Variants in KSR2 observed in about 807,000 individuals in gnomAD.
The protein encoded by KSR2 is kinase suppressor of ras 2.
In KSR2, 25 loss-of-function variants were observed where a neutral mutation model predicts 107.8. The observed-to-expected ratio is 0.23, with a 90% CI of 0.17 to 0.32. KSR2 has a LOEUF of 0.32. Among genes scored for constraint, KSR2 ranks in the 10% least tolerant of loss-of-function variants. The pLI is 1.00. For synonymous variants in KSR2, 480 were observed against 507.0 expected, an observed-to-expected ratio of 0.95 and a Z score of 0.71; for missense variants, 887 against 1,268.9, an observed-to-expected ratio of 0.70 and a Z score of 4.57.
At chr12:117,918,680 C>T (rs1056422414) in intron 1 of KSR2, among the ~76,000 whole-genome samples, 9 of 150,968 alleles carry the variant, frequency 6.0e-5, no homozygotes, top group Admixed American at 4.6e-4. Flanking sequence ...CCCAGCTACT[C>T]GGGAGGCTGA....
chr12:117,766,897 G>T (rs930768083), intron 3 of KSR2, among the ~76,000 whole-genome samples: 1 of 146,338 alleles, frequency 6.8e-6, no homozygotes, highest in Non-Finnish European at 1.5e-5. Context: ...CGGGGGCGGG[G>T]TGGTGAGACA....
At chr12:117,672,149 C>A (rs544743153) in intron 4 of KSR2, among the ~76,000 whole-genome samples, 4 of 151,978 alleles carry the variant, frequency 2.6e-5, no homozygotes, top group African/African-American at 9.7e-5. Flanking sequence ...GAAAGCAAGG[C>A]GGTGGGGGGA....
intron 17 of KSR2, 85 bp downstream of exon 17, chr12:117,476,379 G>T: frequency 6.9e-7 from 1 of 1,456,978 alleles, no homozygotes. Context: ...GGTACACCCT[G>T]GCCCTTCCAA....
At chr12:117,494,056 T>C (rs962427201) in intron 14 of KSR2, among the ~76,000 whole-genome samples, 1 of 152,146 alleles carries the variant, frequency 6.6e-6, no homozygotes, top group South Asian at 2.1e-4. Flanking sequence ...GGGCAGGGAC[T>C]GGGTTTATCT....
chr12:117,917,655 G>A (rs1278519798), intron 1 of KSR2, among the ~76,000 whole-genome samples: 2 of 152,170 alleles, frequency 1.3e-5, no homozygotes, highest in East Asian at 1.9e-4. Context: ...ATGTTGCCCA[G>A]GCTGGTCTTA....
chr12:117,936,348 A>G (rs1159555963), intron 1 of KSR2, among the ~76,000 whole-genome samples: 4 of 151,828 alleles, frequency 2.6e-5, no homozygotes, highest in Admixed American at 2.6e-4. Context: ...TATTTTTAAG[A>G]CACGGTCTCA....
intron 5 of KSR2, among the ~76,000 whole-genome samples, chr12:117,625,940 T>C (rs1882486340): frequency 1.3e-5 from 2 of 152,218 alleles, no homozygotes; most frequent in African/African-American, 4.8e-5. Flanking sequence ...GGAGGGTATA[T>C]GTGTCCAGGA....
intron 14 of KSR2, among the ~76,000 whole-genome samples, chr12:117,487,556 T>C (rs1279125147): frequency 6.6e-6 from 1 of 152,156 alleles, no homozygotes; most frequent in Non-Finnish European, 1.5e-5. Flanking sequence ...TTACTCCATG[T>C]TGACATTTCA....
At chr12:117,690,947 T>C (rs1403540350) in intron 4 of KSR2, among the ~76,000 whole-genome samples, 1 of 152,182 alleles carries the variant, frequency 6.6e-6, no homozygotes, top group African/African-American at 2.4e-5. Flanking sequence ...AAGGTAAATA[T>C]TCCCACCTCC....
intron 4 of KSR2, among the ~76,000 whole-genome samples, chr12:117,728,509 G>A (rs989441055): frequency 1.3e-5 from 2 of 152,174 alleles, no homozygotes; most frequent in African/African-American, 4.8e-5. Context: ...TAACTTCTGA[G>A]AGGCCCCTCT....
chr12:117,487,903 A>G (rs991674762), intron 14 of KSR2, among the ~76,000 whole-genome samples: 3 of 152,180 alleles, frequency 2.0e-5, no homozygotes, highest in Non-Finnish European at 4.4e-5. Flanking sequence ...AAAGTGAAAT[A>G]TACATACAAA....
chr12:117,594,780 G>A (rs552529039), intron 5 of KSR2, among the ~76,000 whole-genome samples: 64 of 152,292 alleles, frequency 4.2e-4, no homozygotes, highest in Admixed American at 1.0e-3. Flanking sequence ...GTTCTCAATC[G>A]TGAGCCCTGT....
chr12:117,770,793 C>A (rs1269220522), intron 3 of KSR2, among the ~76,000 whole-genome samples: 1 of 150,778 alleles, frequency 6.6e-6, no homozygotes, highest in Non-Finnish European at 1.5e-5. Flanking sequence ...CGGTGAAACC[C>A]TGTCTCTACC....
chr12:117,955,064 C>T (rs146955222), intron 1 of KSR2, among the ~76,000 whole-genome samples: 71 of 151,966 alleles, frequency 4.7e-4, no homozygotes, highest in African/African-American at 1.6e-3. Context: ...CGAATCTACT[C>T]AGCCCCTGAA....
intron 3 of KSR2, among the ~76,000 whole-genome samples, chr12:117,765,292 C>T (rs1889186541): frequency 6.6e-6 from 1 of 152,166 alleles, no homozygotes; most frequent in Non-Finnish European, 1.5e-5. Flanking sequence ...CACCATGAAG[C>T]CACAAAGTAG....
chr12:117,579,136 G>A lies in KSR2; in HGVS notation c.1308C>T (p.Leu436=). ...TVCGKGMLFG[L]KCKNCKLKCH... ...TCACTTACTTGCAGTTTTTACACTTGAGGCCAAAAAGCATCCCTTTCCCAC... is the reference window on the plus strand; with the variant it reads ...TCACTTACTTGCAGTTTTTACACTTAAGGCCAAAAAGCATCCCTTTCCCAC... Residue 436 remains leucine, a synonymous_variant, in exon 7 of 20, where the codon CTC becomes CTT. Coordinates refer to ENST00000339824, the MANE Select transcript of KSR2 (RefSeq NM_173598.6). The A allele has an allele frequency of 6.2e-7, 1 of 1,613,558 alleles. No homozygotes were observed. The highest frequency in any genetic ancestry group is 8.5e-7 in the Non-Finnish European group (1 of 1,179,724).
rs574201552 is a variant in KSR2, at chr12:117,590,504, G to T, written c.1172-8145C>A. ...AAGATTGGTAGGAGGATTAAGTGGG[G>T]TGATATAATTGGAACAGTGCTCTGC... is the stretch of plus-strand genomic sequence containing the variant. On this transcript the variant is annotated intron_variant, in intron 5 of 19. Coordinates refer to ENST00000339824, the MANE Select transcript of KSR2 (RefSeq NM_173598.6). Among the ~76,000 whole-genome samples, 5 of 152,308 alleles carry T rather than the reference G, an allele frequency of 3.3e-5. No individual in the cohort carries two copies. In the South Asian group the frequency reaches 6.2e-4, roughly 19 times the overall value.
At chr12:117,675,748 C>A (rs748047240) in intron 4 of KSR2, among the ~76,000 whole-genome samples, 2 of 152,198 alleles carry the variant, frequency 1.3e-5, no homozygotes, top group African/African-American at 2.4e-5. Flanking sequence ...CTTTACCCGG[C>A]CAAATCCCTC....
chr12:117,885,577 T>A (rs1307309873), intron 1 of KSR2, among the ~76,000 whole-genome samples: 1 of 151,530 alleles, frequency 6.6e-6, no homozygotes, highest in African/African-American at 2.4e-5. Context: ...ATGTAATATA[T>A]ACATATATGT....
Sources: allele counts gnomAD v4.1 joint callset (sites outside exome capture counted in the v4.1 genomes callset), GRCh38; gene constraint gnomAD v4.1.1; transcripts MANE v1.5; gene names NCBI Gene and HGNC (gene_info 2026-07-23, HGNC 2026-07-21).